WWP2: variants seen among roughly 807,000 people sequenced by gnomAD.
The protein encoded by WWP2 is NEDD4-like E3 ubiquitin-protein ligase WWP2.
Under a neutral mutation model 121.0 loss-of-function variants are expected in WWP2, and 57 were observed. The ratio of observed to expected loss-of-function variants is 0.47; its 90% CI spans 0.38 to 0.59. WWP2 has a LOEUF of 0.59. WWP2 is among the 20% of genes least tolerant of loss of function. WWP2 has a pLI of 0.00. For missense variants in WWP2, 962 were observed against 1,158.9 expected, an observed-to-expected ratio of 0.83 and a Z score of 2.47; for synonymous variants, 449 against 441.3, an observed-to-expected ratio of 1.02 and a Z score of -0.22.
intron 10 of WWP2, among the ~76,000 whole-genome samples, chr16:69,923,908 C>T (rs1322410002): frequency 6.6e-6 from 1 of 151,706 alleles, no homozygotes; most frequent in African/African-American, 2.4e-5. Context: ...CTCCCCCAAC[C>T]CCCCAACACA....
intron 16 of WWP2, chr16:69,933,325 G>A: frequency 2.8e-6 from 1 of 356,252 alleles, no homozygotes; most frequent in South Asian, 2.1e-5. Flanking sequence ...CAGGGCACGG[G>A]TGTTGGTTCA....
In WWP2 at chr16:69,930,184, G is replaced by T. The variant is rs77786756; in HGVS notation, c.1371G>T (p.Glu457Asp). 6.2e-7 allele frequency: 1 copy of T among 1,614,008 alleles called. No homozygotes were observed. The highest frequency in any genetic ancestry group is 8.5e-7 in the Non-Finnish European group (1 of 1,179,940). ...GATGGGAGATGAAATACACCAGCGA[G>T]GGGGTGCGATACTTTGTGGACCACA... ...PPGWEMKYTS[E>D]GVRYFVDHNT... Residue 457 changes from glutamate to aspartate, a missense_variant, in exon 13 of 24, where the codon GAG becomes GAT. By Grantham distance (45) the Glu-to-Asp change is conservative (BLOSUM62 2). Transcript: ENST00000359154.
In WWP2 at chr16:69,934,066, C is replaced by T. The variant is rs8047888; in HGVS notation, c.1779C>T (p.Pro593=). The T allele has an allele frequency of 8.0e-3, 12,870 of 1,614,126 alleles. 847 individuals are homozygous for T. In the African/African-American group the frequency reaches 0.15, roughly 18 times the overall value. ...ACAATTACTGCCTGCAGATCAACCC[C>T]GCCTCCTCCATCAACCCGGACCACC... is the stretch of plus-strand genomic sequence containing the variant. ...GKNNYCLQIN[P]ASSINPDHLT... is the part of the protein sequence containing the mutation. Residue 593 remains proline (P), a synonymous_variant, in exon 17 of 24, where the codon CCC becomes CCT. Transcript: ENST00000359154.
chr16:69,930,376 C>T, intron 13 of WWP2, 118 bp downstream of exon 13: 13 of 1,466,578 alleles, frequency 8.9e-6, no homozygotes, highest in Non-Finnish European at 1.2e-5. Flanking sequence ...GCCCTTACTG[C>T]CCTCTAGTGG....
intron 10 of WWP2, among the ~76,000 whole-genome samples, chr16:69,923,906 A>G (rs750343549): frequency 1.7e-4 from 26 of 151,124 alleles, no homozygotes; most frequent in Non-Finnish European, 3.7e-4. Context: ...ATCTCCCCCA[A>G]CCCCCCAACA....
At position 69,929,545 on chromosome 16, in the gene WWP2, G is replaced by A; in HGVS notation, c.1316+16G>A. On this transcript the variant is annotated intron_variant, in intron 12 of 23. Coordinates refer to ENST00000359154, the MANE Select transcript of WWP2 (RefSeq NM_001270454.2). ...GGACCCAGGGGTAAGGACTTGGGCT[G>A]AGAGGGGGGCCGGGCTGGGCTGGGT... 2 of 1,613,186 alleles carry A rather than the reference G, an allele frequency of 1.2e-6. No homozygotes were observed. Among genetic ancestry groups the A allele is most frequent in the Admixed American group, 1.7e-5 (1 of 60,010 alleles).
At chr16:69,767,011 C>T (rs917416454) in intron 1 of WWP2, among the ~76,000 whole-genome samples, 9 of 151,750 alleles carry the variant, frequency 5.9e-5, no homozygotes, top group African/African-American at 2.2e-4. Flanking sequence ...GCCTCGGCCT[C>T]CCAAAGTACT....
chr16:69,912,018 G>T (rs559923177), intron 9 of WWP2, among the ~76,000 whole-genome samples: 2 of 152,022 alleles, frequency 1.3e-5, no homozygotes, highest in African/African-American at 2.4e-5. Flanking sequence ...GGCTGGGCTC[G>T]GTTGCTCACG....
At position 69,894,692 on chromosome 16, in the gene WWP2, G is replaced by A. The variant is rs79005887; in HGVS notation, c.914+6443G>A. Among the ~76,000 whole-genome samples the A allele has an allele frequency of 3.1e-3, 466 of 152,336 alleles. 8 individuals carry two copies. Among genetic ancestry groups the A allele is most frequent in the African/African-American group, 0.01 (426 of 41,560 alleles). On this transcript the variant is annotated intron_variant, in intron 8 of 23. Transcript: ENST00000359154. The stretch of plus-strand genomic sequence containing the variant: ...GTTCAGGCCGTGGGCAATGGGAAGC[G>A]AGGCTGCTTTGGTCTGCAGGCCCTG...
At chr16:69,896,374 G>T (rs914046932) in intron 8 of WWP2, among the ~76,000 whole-genome samples, 15 of 152,126 alleles carry the variant, frequency 9.9e-5, no homozygotes, top group Non-Finnish European at 1.9e-4. Flanking sequence ...TCCTATCTTG[G>T]CCTACCAAAG....
chr16:69,873,780 G>A (rs573528955), intron 7 of WWP2, among the ~76,000 whole-genome samples: 91 of 152,306 alleles, frequency 6.0e-4, no homozygotes, highest in African/African-American at 2.2e-3. Flanking sequence ...GCTTTGTTCT[G>A]CCAGATGCCT....
intron 4 of WWP2, among the ~76,000 whole-genome samples, chr16:69,807,116 C>A (rs2056294990): frequency 6.6e-6 from 1 of 151,846 alleles, no homozygotes; most frequent in Non-Finnish European, 1.5e-5. Flanking sequence ...GCAACCTCTG[C>A]CTCCTGGTTT....
chr16:69,932,742 T>C (rs1001934331), intron 16 of WWP2, among the ~76,000 whole-genome samples: 10 of 152,182 alleles, frequency 6.6e-5, no homozygotes, highest in African/African-American at 2.2e-4. Context: ...CTGTAACGGC[T>C]TATGTCACCC....
At chr16:69,779,014 A>C (rs1032622975) in intron 1 of WWP2, among the ~76,000 whole-genome samples, 2 of 150,242 alleles carry the variant, frequency 1.3e-5, no homozygotes, top group East Asian at 3.9e-4. Context: ...CAATGGTGCA[A>C]TCTTGGCTCA....
At chr16:69,811,256 T>G (rs1335172494) in intron 4 of WWP2, among the ~76,000 whole-genome samples, 1 of 152,114 alleles carries the variant, frequency 6.6e-6, no homozygotes, top group South Asian at 2.1e-4. Flanking sequence ...TCTCCTACTT[T>G]CAAGGAGGTG....
rs116100564 is a variant in WWP2 at position 69,780,543 on chromosome 16, C to T, written c.-15-6453C>T. On this transcript the variant is annotated intron_variant, in intron 1 of 23. Coordinates refer to ENST00000359154, the MANE Select transcript of WWP2 (RefSeq NM_001270454.2). Reference sequence around the variant, plus strand: ...CAAAATTACGCGTCTTTAACTCTGCCGGAGGTTGTCAGCTGCCATCTAATG... The same window carrying T: ...CAAAATTACGCGTCTTTAACTCTGCTGGAGGTTGTCAGCTGCCATCTAATG... 8.4e-3 allele frequency among the ~76,000 whole-genome samples: 1,284 copies of T among 152,238 alleles called. 17 individuals carry two copies. Among genetic ancestry groups the T allele is most frequent in the African/African-American group, 0.03 (1,231 of 41,520 alleles).
intron 8 of WWP2, among the ~76,000 whole-genome samples, chr16:69,906,722 A>G (rs2058300163): frequency 6.6e-6 from 1 of 152,142 alleles, no homozygotes; most frequent in African/African-American, 2.4e-5. Context: ...TCTCTACGAA[A>G]TAAAAAGATT....
At chr16:69,879,225 A>T (rs1356018705) in intron 7 of WWP2, among the ~76,000 whole-genome samples, 1 of 152,332 alleles carries the variant, frequency 6.6e-6, no homozygotes, top group East Asian at 1.9e-4. Context: ...AACACATAAC[A>T]TGAAATTTAC....
chr16:69,833,942 A>G (rs2056833360), intron 4 of WWP2, among the ~76,000 whole-genome samples: 1 of 152,156 alleles, frequency 6.6e-6, no homozygotes. Flanking sequence ...AGGCCAGGGT[A>G]GAATCTTCTT....
Sources: gnomAD v4.1 joint callset for allele counts (sites outside exome capture counted in the v4.1 genomes callset) on GRCh38, gnomAD v4.1.1 for gene constraint, MANE v1.5 for transcripts, NCBI Gene and HGNC (gene_info 2026-07-23, HGNC 2026-07-21) for gene names.